The following VSTM2B variants were observed in gnomAD, a reference collection of about 807,000 sequenced individuals.
The protein encoded by VSTM2B is V-set and transmembrane domain containing 2B.
VSTM2B carries 24 observed loss-of-function variants against 24.0 expected under a neutral mutation model. That is an observed-to-expected ratio of 1.00 (90% CI 0.72 to 1.40). The LOEUF (loss-of-function observed/expected upper bound fraction) is 1.40, where lower values mean the gene tolerates loss of function less well. Ranked by LOEUF, VSTM2B falls within the 40% of genes most tolerant of loss-of-function variation. The pLI is 0.00. For missense variants in VSTM2B, 399 were observed against 416.4 expected (o/e 0.96, Z 0.36); for synonymous variants, 226 against 194.4 (o/e 1.16, Z -1.35).
chr19:29,537,345 C>T (rs1969913827), intron 4 of VSTM2B, among the ~76,000 whole-genome samples: 1 of 152,160 alleles, frequency 6.6e-6, no homozygotes, highest in Non-Finnish European at 1.5e-5. Flanking sequence ...TGCTGTTAAA[C>T]AGCCAGCGGT....
chr19:29,528,915 T>C, intron 3 of VSTM2B: 1 of 985,354 alleles, frequency 1.0e-6, no homozygotes, highest in South Asian at 4.7e-5. Flanking sequence ...CCGCCTGGAT[T>C]GCGGGTCTGG....
chr19:29,555,272 C>T (rs1226138066), intron 4 of VSTM2B, among the ~76,000 whole-genome samples: 2 of 152,018 alleles, frequency 1.3e-5, no homozygotes, highest in Non-Finnish European at 2.9e-5. Context: ...ACCACACGAC[C>T]ATATGAAAAT....
intron 4 of VSTM2B, among the ~76,000 whole-genome samples, chr19:29,532,054 G>A (rs970141376): frequency 6.6e-6 from 1 of 152,218 alleles, no homozygotes; most frequent in East Asian, 1.9e-4. Context: ...CATGCATTGT[G>A]TATGATGAAT....
intron 4 of VSTM2B, among the ~76,000 whole-genome samples, chr19:29,552,342 T>A (rs1970303752): frequency 6.6e-6 from 1 of 152,154 alleles, no homozygotes; most frequent in East Asian, 1.9e-4. Context: ...TCAAAATAAG[T>A]GGTTGAGGAA....
intron 4 of VSTM2B, among the ~76,000 whole-genome samples, chr19:29,561,390 G>A (rs531750559): frequency 1.1e-4 from 17 of 152,252 alleles, no homozygotes; most frequent in Admixed American, 9.2e-4. Flanking sequence ...TTGGGAGGCC[G>A]AGGCAGGTGG....
At chr19:29,552,652 A>G (rs1970313014) in intron 4 of VSTM2B, among the ~76,000 whole-genome samples, 1 of 152,226 alleles carries the variant, frequency 6.6e-6, no homozygotes, top group Non-Finnish European at 1.5e-5. Flanking sequence ...GCCTAAGACT[A>G]CTGAGTTCCG....
intron 1 of VSTM2B, 47 bp from the exon 2 acceptor site, chr19:29,527,164 C>T (rs759099908): frequency 1.8e-5 from 27 of 1,506,942 alleles, no homozygotes; most frequent in Admixed American, 4.0e-5. Context: ...TGCCCCAGGC[C>T]CCCGACCTAC....
intron 4 of VSTM2B, among the ~76,000 whole-genome samples, chr19:29,563,320 A>G (rs1035230659): frequency 6.6e-6 from 1 of 150,378 alleles, no homozygotes. Flanking sequence ...TGGTGCAATC[A>G]CAGCTCTCTG....
rs1216449946 is a variant in VSTM2B at position 29,527,495 on chromosome 19, G to A, written c.267+100G>A. Reference sequence around the variant, plus strand: ...AAGCAGCGGGCTTCACTCGCGCAGGGCGCCGCCCTGTGGCGCAGCCCATCT... The same window carrying A: ...AAGCAGCGGGCTTCACTCGCGCAGGACGCCGCCCTGTGGCGCAGCCCATCT... On this transcript the variant is annotated intron_variant, in intron 2 of 4. Transcript: ENST00000335523. 8 of 1,119,318 alleles carry A rather than the reference G, an allele frequency of 7.1e-6. No homozygotes were observed. The East Asian group carries it at 1.2e-4, about 17-fold the overall frequency. 69.3% of individuals were successfully genotyped at this position (1,119,318 alleles called of 1,614,324 possible).
rs1356028643 is a variant in VSTM2B at position 29,527,200 on chromosome 19, C to G, written c.83-11C>G. 6.5e-7 allele frequency: 1 copy of G among 1,545,740 alleles called. No individual in the cohort carries two copies. The highest frequency in any genetic ancestry group is 8.7e-7 in the Non-Finnish European group (1 of 1,144,264). On this transcript the variant is annotated splice_polypyrimidine_tract_variant and intron_variant, in intron 1 of 4. Transcript: ENST00000335523. ...AGCTGGTCACGCCTCTCTCTCTCTC[C>G]CCACCCCCAGCTGCATTCACAGAAG...
chr19:29,527,441 C>T lies in VSTM2B; in HGVS notation c.267+46C>T, dbSNP rs1297609302. The T allele has an allele frequency of 7.1e-6, 10 of 1,411,068 alleles. No individual in the cohort carries two copies. The African/African-American group carries it at 1.1e-4, about 15-fold the overall frequency. The allele number at this position is 1,411,068 out of a possible 1,614,324, so 87.4% of individuals were successfully genotyped here. A position where few individuals can be genotyped will look rare whatever the true frequency, so the allele number is the denominator to read the frequency against. ...TACCGGCGCGCGCCCGGCTCGCGCC[C>T]GGGGCGGCGAAGGCTAACCCAGGGA... On this transcript the variant is annotated intron_variant, in intron 2 of 4. Coordinates refer to ENST00000335523, the MANE Select transcript of VSTM2B (RefSeq NM_001146339.2).
chr19:29,537,420 G>A (rs1276537456), intron 4 of VSTM2B, among the ~76,000 whole-genome samples: 1 of 152,132 alleles, frequency 6.6e-6, no homozygotes, highest in African/African-American at 2.4e-5. Flanking sequence ...TATGAGCATA[G>A]CCCAGGCCCC....
rs953817732 is a variant in VSTM2B at position 29,526,335 on chromosome 19, C to T, written c.-249C>T. On this transcript the variant is annotated 5_prime_UTR_variant, in exon 1 of 5. Transcript: ENST00000335523. This position sits in a 1 kb window ranked among gnomAD's most constrained non-coding sequence, Gnocchi z 4.1. ...CGGACAGAGAGAGGCACTGACCGAT[C>T]GCCAGCAGCCTCCCGGTGGGACCGC... Among the ~76,000 whole-genome samples the T allele has an allele frequency of 6.6e-6, 1 of 151,800 alleles. No homozygotes were observed. Among genetic ancestry groups the T allele is most frequent in the Non-Finnish European group, 1.5e-5 (1 of 67,916 alleles).
rs1969699527 is a variant in VSTM2B, at chr19:29,530,062, A to C, written c.541A>C (p.Asn181His). ...TCGCCACGGCCCAGCCAGCGCCGCCAACGCCAACAACGCGGGCGCCGCGAG... is the reference window on the plus strand; with the variant it reads ...TCGCCACGGCCCAGCCAGCGCCGCCCACGCCAACAACGCGGGCGCCGCGAG... Reference protein sequence around the residue: ...PRRHGPASAANANNAGAASRT... With the variant: ...PRRHGPASAAHANNAGAASRT... The change falls in exon 4 of 5, where the codon AAC (asparagine) becomes CAC (histidine). Residue 181 changes from asparagine (N) to histidine (H), a missense_variant. Asn to His is a moderately conservative substitution (Grantham distance 68, BLOSUM62 1). Coordinates refer to ENST00000335523, the MANE Select transcript of VSTM2B (RefSeq NM_001146339.2). The C allele has an allele frequency of 6.6e-7, 1 of 1,509,014 alleles. No individual in the cohort carries two copies. Among genetic ancestry groups the C allele is most frequent in the African/African-American group, 1.4e-5 (1 of 69,258 alleles). 93.5% of individuals were successfully genotyped at this position (1,509,014 alleles called of 1,614,324 possible). A position where few individuals can be genotyped will look rare whatever the true frequency, so the allele number is the denominator to read the frequency against.
intron 2 of VSTM2B, among the ~76,000 whole-genome samples, chr19:29,527,959 CACACACACCTACACCT>C (rs977644277): frequency 6.6e-6 from 1 of 152,112 alleles, no homozygotes; most frequent in African/African-American, 2.4e-5. Flanking sequence ...CACACACCTA[CACACACACCTACACCT>C]ACACACACCT....
At chr19:29,549,611 A>G (rs1357134103) in intron 4 of VSTM2B, among the ~76,000 whole-genome samples, 1 of 151,578 alleles carries the variant, frequency 6.6e-6, no homozygotes, top group African/African-American at 2.4e-5. Flanking sequence ...TGCTGGCCCC[A>G]ATGCTACCCC....
intron 3 of VSTM2B, chr19:29,528,907 G>T: frequency 1.0e-6 from 1 of 985,292 alleles, no homozygotes; most frequent in Non-Finnish European, 1.2e-6. Flanking sequence ...TTTATCCTCC[G>T]CCTGGATTGC....
chr19:29,525,475 T>A (rs991719243), upstream of VSTM2B: 2 of 150,502 alleles, frequency 1.3e-5, no homozygotes, highest in African/African-American at 4.9e-5. Flanking sequence ...AGGCACCTGC[T>A]CGCTGGGCGC....
At chr19:29,528,511 T>G (rs1020889650) in intron 3 of VSTM2B, 49 bp downstream of exon 3, 45 of 1,549,120 alleles carry the variant, frequency 2.9e-5, no homozygotes, top group Non-Finnish European at 3.6e-5. Context: ...TCTGGCCGCC[T>G]CGGGTCCCGC....
Sources: allele counts gnomAD v4.1 joint callset (sites outside exome capture counted in the v4.1 genomes callset), GRCh38; gene constraint gnomAD v4.1.1; non-coding constraint Gnocchi (gnomAD v3.1); transcripts MANE v1.5; gene names NCBI Gene and HGNC (gene_info 2026-07-23, HGNC 2026-07-21).